The following PRKDC variants were observed in gnomAD, a reference collection of about 807,000 sequenced individuals.
The protein encoded by PRKDC is DNA-dependent protein kinase catalytic subunit.
PRKDC carries 82 observed loss-of-function variants against 486.9 expected under a neutral mutation model. The observed-to-expected ratio is 0.17, with a 90% CI of 0.14 to 0.20. The LOEUF is 0.20. PRKDC is among the 10% of genes least tolerant of loss of function. The probability of loss-of-function intolerance (pLI) is 1.00; values close to 1 mark genes in which losing one functional copy is unlikely to be tolerated. For synonymous variants in PRKDC, 1,895 were observed against 1,837.0 expected (o/e 1.03, Z -0.81); for missense variants, 4,504 against 5,038.2 (o/e 0.89, Z 3.21).
At chr8:47,823,160 C>T (rs917624338) in intron 64 of PRKDC, among the ~76,000 whole-genome samples, 1 of 151,784 alleles carries the variant, frequency 6.6e-6, no homozygotes, top group South Asian at 2.1e-4. Context: ...ATAGTGACAC[C>T]TCATCTCTAC....
chr8:47,943,965 T>G lies in PRKDC; in HGVS notation c.777+9A>C, dbSNP rs546385012. 1.9e-6 allele frequency: 3 copies of G among 1,558,876 alleles called. No homozygotes were observed. The highest frequency in any genetic ancestry group is 1.4e-5 in the African/African-American group (1 of 73,204). ...ATTAGAATAATATTAATAGTAATATTAATCCTACCTGAGGACGAATTGCCT... is the reference window on the plus strand; with the variant it reads ...ATTAGAATAATATTAATAGTAATATGAATCCTACCTGAGGACGAATTGCCT... On this transcript the variant is annotated intron_variant, in intron 8 of 85. Transcript: ENST00000314191.
At position 47,858,196 on chromosome 8, in the gene PRKDC, C is replaced by CT. The variant is rs1041282200; in HGVS notation, c.6465+319dup. On this transcript the variant is annotated intron_variant, in intron 48 of 85. Transcript: ENST00000314191. ...ATTTTCTCCCCCGCTCCACCCCCCGCTTTTTTTTTTCCTACTATAAGGAAA... is the reference window on the plus strand; with the variant it reads ...ATTTTCTCCCCCGCTCCACCCCCCGCTTTTTTTTTTTCCTACTATAAGGAAA... Among the ~76,000 whole-genome samples the CT allele has an allele frequency of 1.8e-3, 262 of 148,408 alleles. 1 individual carries two copies. Among genetic ancestry groups the CT allele is most frequent in the African/African-American group, 5.6e-3 (228 of 40,640 alleles).
At chr8:47,846,984 C>A (rs905004958) in intron 54 of PRKDC, among the ~76,000 whole-genome samples, 1 of 152,116 alleles carries the variant, frequency 6.6e-6, no homozygotes, top group Admixed American at 6.6e-5. Context: ...GACTATAAAA[C>A]ACTGCTGAAA....
intron 7 of PRKDC, among the ~76,000 whole-genome samples, chr8:47,945,513 G>A (rs553164635): frequency 2.0e-5 from 3 of 152,040 alleles, no homozygotes; most frequent in African/African-American, 7.2e-5. Flanking sequence ...TTTGCCTTTC[G>A]TGGCTGGCTT....
At chr8:47,919,033 G>GT (rs952305980) in intron 21 of PRKDC, among the ~76,000 whole-genome samples, 18 of 152,036 alleles carry the variant, frequency 1.2e-4, no homozygotes, top group African/African-American at 4.3e-4. Flanking sequence ...AGCACTGAGG[G>GT]TAAGTGACCG....
chr8:47,870,784 C>T (rs2088933725), intron 40 of PRKDC, among the ~76,000 whole-genome samples: 1 of 152,138 alleles, frequency 6.6e-6, no homozygotes, highest in African/African-American at 2.4e-5. Flanking sequence ...ACCTTTCAGA[C>T]AGAGAATTCA....
At chr8:47,927,964 C>A in intron 19 of PRKDC, 74 bp from the exon 20 acceptor site, 2 of 1,277,162 alleles carry the variant, frequency 1.6e-6, no homozygotes, top group South Asian at 2.8e-5. Context: ...AAGTATTTGC[C>A]CTATTCTCAA....
chr8:47,822,350 A>G (rs890225722), intron 64 of PRKDC, among the ~76,000 whole-genome samples: 1 of 152,086 alleles, frequency 6.6e-6, no homozygotes, highest in South Asian at 2.1e-4. Context: ...TGAGAAACTT[A>G]CCAATGAAAC....
intron 68 of PRKDC, among the ~76,000 whole-genome samples, chr8:47,807,750 C>T (rs1487464848): frequency 6.6e-6 from 1 of 151,904 alleles, no homozygotes; most frequent in Non-Finnish European, 1.5e-5. Flanking sequence ...GAGTCTCATT[C>T]TGTCGCCCAG....
At chr8:47,847,827 G>A (rs2088304247) in intron 54 of PRKDC, among the ~76,000 whole-genome samples, 1 of 151,332 alleles carries the variant, frequency 6.6e-6, no homozygotes, top group African/African-American at 2.4e-5. Context: ...ATTAAAAAAT[G>A]AGCAAAAGAC....
chr8:47,854,064 T>C lies in PRKDC; in HGVS notation c.6893+19A>G, dbSNP rs779825383. ...GTTTGGGTAGACGTGACCTAAAAAA[T>C]AATCAAGCAAACACGTACTCGCTAC... On this transcript the variant is annotated intron_variant, in intron 51 of 85. Coordinates refer to ENST00000314191, the MANE Select transcript of PRKDC (RefSeq NM_006904.7). 1.2e-6 allele frequency: 2 copies of C among 1,613,072 alleles called. No homozygotes were observed. The highest frequency in any genetic ancestry group is 2.2e-5 in the South Asian group (2 of 90,940).
In PRKDC at chr8:47,960,112, T is replaced by C. The variant is rs2154504878; in HGVS notation, c.15A>G (p.Gly5=). 5 of 1,504,210 alleles carry C rather than the reference T, an allele frequency of 3.3e-6. No homozygotes were observed. The highest frequency in any genetic ancestry group is 2.7e-6 in the Non-Finnish European group (3 of 1,130,828). The allele number at this position is 1,504,210 out of a possible 1,614,324, so 93.2% of individuals were successfully genotyped here. MAGS[G]AGVRCSLLRL... The stretch of plus-strand genomic sequence containing the variant: ...GCAGCAGGGAGCAACGCACACCGGC[T>C]CCGGAGCCCGCCATGCCGCCGAGTC... Residue 5 remains glycine, a synonymous_variant, in exon 1 of 86, where the codon GGA becomes GGG. Coordinates refer to ENST00000314191, the MANE Select transcript of PRKDC (RefSeq NM_006904.7).
chr8:47,955,544 A>AAGG (rs1458436666), intron 4 of PRKDC, among the ~76,000 whole-genome samples: 4 of 152,088 alleles, frequency 2.6e-5, no homozygotes, highest in African/African-American at 4.8e-5. Flanking sequence ...TCAGAGATAT[A>AAGG]AGGTGATCTT....
intron 66 of PRKDC, among the ~76,000 whole-genome samples, chr8:47,820,351 T>C (rs2087559632): frequency 1.3e-5 from 2 of 151,934 alleles, no homozygotes; most frequent in African/African-American, 4.8e-5. Flanking sequence ...CTCCACTGTC[T>C]AGGCGACAAA....
At chr8:47,797,713 C>T (rs150162309) in intron 73 of PRKDC, among the ~76,000 whole-genome samples, 1,627 of 152,302 alleles carry the variant, frequency 0.011, 8 homozygotes, top group Non-Finnish European at 0.016. Flanking sequence ...GCAGTGCAGC[C>T]CTTGGTGGGG....
At chr8:47,818,972 C>T (rs2087518806) in intron 67 of PRKDC, among the ~76,000 whole-genome samples, 1 of 152,204 alleles carries the variant, frequency 6.6e-6, no homozygotes, top group Non-Finnish European at 1.5e-5. Context: ...TTCCTGCCCT[C>T]CCTTCAAGCC....
intron 40 of PRKDC, among the ~76,000 whole-genome samples, chr8:47,866,687 G>A (rs185693997): frequency 2.0e-5 from 3 of 152,280 alleles, no homozygotes; most frequent in Admixed American, 6.5e-5. Flanking sequence ...GTTTCACAAT[G>A]TTGGCCAGAC....
rs534617186 is a variant in PRKDC at position 47,786,138 on chromosome 8, C to T, written c.10903-821G>A. On this transcript the variant is annotated intron_variant, in intron 76 of 85. Transcript: ENST00000314191. ...TAAATAAATGACATGGTTGACCAGG[C>T]GCGGTGGCTCATGCCTGTAATCCCA... Among the ~76,000 whole-genome samples, 19 of 143,724 alleles carry T rather than the reference C, an allele frequency of 1.3e-4. No individual in the cohort carries two copies. The South Asian group carries it at 3.8e-3, about 29-fold the overall frequency. The allele number at this position is 143,724 out of a possible 152,430, so 94.3% of individuals were successfully genotyped here.
Position 47,913,944 on chromosome 8 carries a change from C to T in PRKDC, c.2738G>A (p.Arg913Gln), listed in dbSNP as rs745558673. 2.0e-5 allele frequency: 33 copies of T among 1,611,158 alleles called. No individual in the cohort carries two copies. Among genetic ancestry groups the T allele is most frequent in the Non-Finnish European group, 2.5e-5 (29 of 1,178,634 alleles). Residue 913 changes from arginine (R) to glutamine (Q), a missense_variant, in exon 24 of 86, where the codon CGA becomes CAA. By Grantham distance (43) the Arg-to-Gln change is conservative (BLOSUM62 1). Coordinates refer to ENST00000314191, the MANE Select transcript of PRKDC (RefSeq NM_006904.7). ...PVIFLDVFLP[R>Q]VTELALTASD... Reference sequence around the variant, plus strand: ...GGCTGTGAGCGCTAATTCTGTGACTCGAGGCAGGAACACATCCAGGAAAAT... The same window carrying T: ...GGCTGTGAGCGCTAATTCTGTGACTTGAGGCAGGAACACATCCAGGAAAAT...
Sources: allele counts gnomAD v4.1 joint callset (sites outside exome capture counted in the v4.1 genomes callset), GRCh38; gene constraint gnomAD v4.1.1; transcripts MANE v1.5; gene names NCBI Gene and HGNC (gene_info 2026-07-23, HGNC 2026-07-21).